The following RBL2 variants were observed in gnomAD, a reference collection of about 807,000 sequenced individuals.
The protein encoded by RBL2 is RB transcriptional corepressor like 2.
Under a neutral mutation model 126.0 loss-of-function variants are expected in RBL2, and 56 were observed. The observed-to-expected ratio is 0.44, with a 90% confidence interval of 0.36 to 0.56. RBL2 has a LOEUF of 0.56. Ranked by LOEUF, RBL2 falls within the 20% of genes least tolerant of loss-of-function variation. RBL2 has a pLI of 0.00. For missense variants in RBL2, 1,229 were observed against 1,398.2 expected (o/e 0.88, Z 1.93); for synonymous variants, 454 against 478.5 (o/e 0.95, Z 0.67).
intron 13 of RBL2, 70 bp from the exon 14 acceptor site, chr16:53,466,988 G>A (rs777103828): frequency 4.9e-6 from 5 of 1,023,388 alleles, no homozygotes; most frequent in Non-Finnish European, 7.4e-6. Context: ...TTCTGCCTTA[G>A]ATTACTATTG....
chr16:53,438,685 A>C (rs758902966), intron 1 of RBL2, among the ~76,000 whole-genome samples: 34 of 152,052 alleles, frequency 2.2e-4, no homozygotes, highest in Non-Finnish European at 2.6e-4. Context: ...CTCTACAAAA[A>C]ATACAAAAAT....
chr16:53,476,363 CCA>C (rs1011567315), intron 17 of RBL2, among the ~76,000 whole-genome samples: 3 of 152,162 alleles, frequency 2.0e-5, no homozygotes, highest in African/African-American at 7.2e-5. Flanking sequence ...TCATTTTATT[CCA>C]GTTCTTTTAA....
At chr16:53,489,251 C>G (rs2150835071) in intron 21 of RBL2, 1 of 152,174 alleles carries the variant, frequency 6.6e-6, no homozygotes, top group Middle Eastern at 3.4e-3. Flanking sequence ...ATAAATCAAA[C>G]AAGGCTGGCC....
chr16:53,473,143 CCTA>C (rs1423805283), intron 17 of RBL2, among the ~76,000 whole-genome samples: 4 of 152,036 alleles, frequency 2.6e-5, no homozygotes, highest in African/African-American at 9.7e-5. Flanking sequence ...TATGAGTGCT[CCTA>C]CTTTTTTTTT....
chr16:53,462,444 G>A, intron 10 of RBL2, 108 bp from the exon 11 acceptor site: 1 of 616,610 alleles, frequency 1.6e-6, no homozygotes, highest in Non-Finnish European at 2.8e-6. Context: ...CATATCTAAA[G>A]TATTGGGTTG....
rs750375938 is a variant in RBL2 at position 53,490,131 on chromosome 16, G to A, written c.3251G>A (p.Arg1084Lys). Residue 1084 changes from arginine to lysine, a missense_variant and splice_region_variant, in exon 22 of 22, where the codon AGA becomes AAA. Arg to Lys is a conservative substitution (Grantham distance 26). Coordinates refer to ENST00000262133, the MANE Select transcript of RBL2 (RefSeq NM_005611.4). ...TTTTGTATCTTTTTCCCACCATAGAGACTGAGAGAAATTAATAGTATGATA... is the reference window on the plus strand; with the variant it reads ...TTTTGTATCTTTTTCCCACCATAGAAACTGAGAGAAATTAATAGTATGATA... ...FYYFSNSPSK[R>K]LREINSMIRT... 6.4e-7 allele frequency: 1 copy of A among 1,571,780 alleles called. No individual in the cohort carries two copies.
At chr16:53,473,652 T>C (rs978879707) in intron 17 of RBL2, among the ~76,000 whole-genome samples, 2 of 152,078 alleles carry the variant, frequency 1.3e-5, no homozygotes, top group Admixed American at 1.3e-4. Context: ...TTTTCTTTCC[T>C]AATTATCTTG....
At chr16:53,434,872 CGA>C (rs1176744908) in intron 1 of RBL2, 76 bp downstream of exon 1, 8 of 1,400,298 alleles carry the variant, frequency 5.7e-6, no homozygotes, top group East Asian at 2.9e-5. Context: ...TCGCGCGCCT[CGA>C]GAGACTCTCG....
rs375243446 is a variant in RBL2, at chr16:53,459,468, C to T, written c.1197C>T (p.Ile399=). ...QHFDKSKALR[I]STPLTGVRYI... ...TTCTTTAGTCCAAAGCACTTAGAAT[C>T]TCCACACCACTAACTGGTGTTAGGT... Residue 399 remains isoleucine (I), a synonymous_variant, in exon 9 of 22, where the codon ATC becomes ATT. Transcript: ENST00000262133. 1 of 1,612,306 alleles carries T rather than the reference C, an allele frequency of 6.2e-7. No homozygotes were observed.
intron 17 of RBL2, 128 bp downstream of exon 17, chr16:53,471,050 G>T: frequency 1.1e-6 from 1 of 942,292 alleles, no homozygotes; most frequent in Non-Finnish European, 1.6e-6. Flanking sequence ...AACTAAATGG[G>T]TCTTAGTATA....
In RBL2 at chr16:53,451,789, C is replaced by G. The variant is rs370735742; in HGVS notation, c.724C>G (p.Gln242Glu). Reference sequence around the variant, plus strand: ...GGACTTAGTTTATGGAAATGCACTTCAGTGTTCTAATCGTAAAGAACTTGT... The same window carrying G: ...GGACTTAGTTTATGGAAATGCACTTGAGTGTTCTAATCGTAAAGAACTTGT... ...ALDLVYGNALQCSNRKELVNP... is the reference protein window; with the variant it reads ...ALDLVYGNALECSNRKELVNP... The change falls in exon 5 of 22, where the codon CAG becomes GAG. Residue 242 changes from glutamine (Q) to glutamate (E), a missense_variant. Transcript: ENST00000262133. 2 of 1,613,702 alleles carry G rather than the reference C, an allele frequency of 1.2e-6. No homozygotes were observed. The highest frequency in any genetic ancestry group is 1.7e-6 in the Non-Finnish European group (2 of 1,179,752).
chr16:53,466,782 C>T (rs1232045573), intron 13 of RBL2: 1 of 288,284 alleles, frequency 3.5e-6, no homozygotes, highest in African/African-American at 2.3e-5. Flanking sequence ...GGTCCATGGC[C>T]CAGGGGTTGG....
chr16:53,481,153 T>C, intron 20 of RBL2: 1 of 177,446 alleles, frequency 5.6e-6, no homozygotes, highest in South Asian at 1.2e-4. Context: ...AACAAGACTC[T>C]GTCTCATAAA....
intron 10 of RBL2, among the ~76,000 whole-genome samples, chr16:53,462,257 C>T (rs1284005879): frequency 3.3e-5 from 5 of 152,008 alleles, no homozygotes; most frequent in African/African-American, 1.2e-4. Context: ...TTACATACCT[C>T]TTAGCATTGG....
chr16:53,461,950 T>C, intron 10 of RBL2, 100 bp downstream of exon 10: 2 of 1,070,822 alleles, frequency 1.9e-6, no homozygotes, highest in South Asian at 1.4e-5. Context: ...TTTATGACTT[T>C]AGACTGAAGG....
chr16:53,471,062 TCA>T (rs2058318884), intron 17 of RBL2, 140 bp downstream of exon 17: 2 of 831,328 alleles, frequency 2.4e-6, no homozygotes, highest in East Asian at 2.6e-5. Flanking sequence ...CTTAGTATAT[TCA>T]CAGATATGTG....
chr16:53,436,159 G>A (rs374374935), intron 1 of RBL2, among the ~76,000 whole-genome samples: 30 of 152,064 alleles, frequency 2.0e-4, no homozygotes, highest in Non-Finnish European at 4.0e-4. Context: ...GGCTTTTTAT[G>A]TTGTTTTTTG....
chr16:53,465,387 T>C (rs2058262680), intron 12 of RBL2, 51 bp from the exon 13 acceptor site: 2 of 1,218,318 alleles, frequency 1.6e-6, no homozygotes, highest in Non-Finnish European at 2.1e-6. Context: ...TGTCTAAATA[T>C]TTAAAAATAT....
At position 53,442,854 on chromosome 16, in the gene RBL2, C is replaced by A. The variant is rs773728647; in HGVS notation, c.568C>A (p.Gln190Lys). ...EQPRQQRGRK[Q>K]RRQPCTVSEI... The stretch of plus-strand genomic sequence containing the variant: ...ACCTCGTCAGCAGCGAGGAAGGAAA[C>A]AGCGGTAGGTTTTCTTGTTGGTTCA... The change falls in exon 3 of 22, where the codon CAG becomes AAG. Residue 190 changes from glutamine (Q) to lysine (K), a missense_variant. By Grantham distance (53) the Gln-to-Lys change is moderately conservative. Coordinates refer to ENST00000262133, the MANE Select transcript of RBL2 (RefSeq NM_005611.4). The A allele has an allele frequency of 5.6e-6, 9 of 1,609,254 alleles. No homozygotes were observed. Among genetic ancestry groups the A allele is most frequent in the Non-Finnish European group, 6.8e-6 (8 of 1,176,550 alleles).
Sources: allele counts gnomAD v4.1 joint callset (sites outside exome capture counted in the v4.1 genomes callset), GRCh38; gene constraint gnomAD v4.1.1; transcripts MANE v1.5; gene names NCBI Gene and HGNC (gene_info 2026-07-23, HGNC 2026-07-21).